The following ARMC8 variants were observed in gnomAD, a reference collection of about 807,000 sequenced individuals.
ARMC8 encodes the protein armadillo repeat containing 8.
Under a neutral mutation model 99.3 loss-of-function variants are expected in ARMC8, and 20 were observed. The ratio of observed to expected loss-of-function variants is 0.20; its 90% CI spans 0.14 to 0.29. ARMC8 has a LOEUF of 0.29. Among genes scored for constraint, ARMC8 ranks in the 10% least tolerant of loss-of-function variants. ARMC8 has a pLI of 1.00. For missense variants in ARMC8, 569 were observed against 809.5 expected (o/e 0.70, Z 3.60); for synonymous variants, 263 against 278.3 (o/e 0.95, Z 0.55).
intron 1 of ARMC8, chr3:138,188,560 G>A: frequency 6.2e-7 from 1 of 1,613,926 alleles, no homozygotes; most frequent in Non-Finnish European, 8.5e-7. Context: ...ATTTGCTATT[G>A]TTGGAAACAA....
chr3:138,190,676 G>A (rs2043333357), intron 1 of ARMC8, among the ~76,000 whole-genome samples: 1 of 152,148 alleles, frequency 6.6e-6, no homozygotes, highest in African/African-American at 2.4e-5. Context: ...CCAAACTCCA[G>A]TAAATCTTAT....
intron 10 of ARMC8, among the ~76,000 whole-genome samples, chr3:138,240,419 C>T (rs2046554699): frequency 6.6e-6 from 1 of 152,186 alleles, no homozygotes; most frequent in South Asian, 2.1e-4. Context: ...TAGAGTGCCA[C>T]GGACTTCCAT....
At chr3:138,273,175 T>A in intron 17 of ARMC8, 59 bp downstream of exon 17, 1 of 1,500,286 alleles carries the variant, frequency 6.7e-7, no homozygotes, top group Non-Finnish European at 9.1e-7. Context: ...TTGCAAGACA[T>A]TGCTCTCTCT....
chr3:138,281,660 A>G (rs1334602483), intron 18 of ARMC8, among the ~76,000 whole-genome samples: 2 of 152,172 alleles, frequency 1.3e-5, no homozygotes, highest in African/African-American at 2.4e-5. Context: ...ATGAGCTTCA[A>G]AACAGAACTG....
intron 1 of ARMC8, among the ~76,000 whole-genome samples, chr3:138,195,708 T>G (rs2043691583): frequency 2.0e-5 from 3 of 152,084 alleles, no homozygotes; most frequent in Admixed American, 6.5e-5. Context: ...AAAACAAAGC[T>G]CCTATTATCC....
In ARMC8 at chr3:138,262,551, C is replaced by T. The variant is rs76579989; in HGVS notation, c.1135-1188C>T. 6,996 of 1,611,360 alleles carry T rather than the reference C, an allele frequency of 4.3e-3. 278 individuals carry two copies. The African/African-American group carries it at 0.082, about 19-fold the overall frequency. On this transcript the variant is annotated intron_variant, in intron 12 of 21. Coordinates refer to ENST00000469044, the MANE Select transcript of ARMC8 (RefSeq NM_001363941.2). ...TGAATCCTCTCATTTTAGTCTAGGT[C>T]AGTGATCTTCAACCTTGGCTGTGTA...
intron 19 of ARMC8, among the ~76,000 whole-genome samples, chr3:138,286,908 T>C (rs575837431): frequency 4.6e-5 from 7 of 152,224 alleles, no homozygotes; most frequent in South Asian, 2.1e-4. Flanking sequence ...GATAGCATCT[T>C]GGAATCTATC....
At position 138,270,028 on chromosome 3, in the gene ARMC8, G is replaced by C. The variant is rs775445088; in HGVS notation, c.1387-12G>C. On this transcript the variant is annotated splice_polypyrimidine_tract_variant and intron_variant, in intron 15 of 21. Transcript: ENST00000469044. ...TAAAGCTGTGATTTTTTTTTTCCCTGTCCAATGGCAGCCAATTTTGGAATC... is the reference window on the plus strand; with the variant it reads ...TAAAGCTGTGATTTTTTTTTTCCCTCTCCAATGGCAGCCAATTTTGGAATC... 7.6e-6 allele frequency: 12 copies of C among 1,582,892 alleles called. No homozygotes were observed. The Admixed American group carries it at 1.2e-4, about 16-fold the overall frequency.
At chr3:138,281,336 A>G (rs2049904518) in intron 18 of ARMC8, among the ~76,000 whole-genome samples, 2 of 150,060 alleles carry the variant, frequency 1.3e-5, no homozygotes. Context: ...CTCTGTTGCC[A>G]GGCTGGAGTG....
chr3:138,291,691 C>T (rs1271860055), intron 21 of ARMC8, among the ~76,000 whole-genome samples: 1 of 152,160 alleles, frequency 6.6e-6, no homozygotes, highest in Non-Finnish European at 1.5e-5. Flanking sequence ...AAAGATCTCT[C>T]TGAGGATGAC....
At chr3:138,196,063 C>T (rs772654919) in intron 1 of ARMC8, among the ~76,000 whole-genome samples, 1 of 152,100 alleles carries the variant, frequency 6.6e-6, no homozygotes, top group Admixed American at 6.5e-5. Context: ...GTCTTTACCA[C>T]CTGGAAAGTA....
intron 3 of ARMC8, among the ~76,000 whole-genome samples, chr3:138,222,990 C>G (rs1327770106): frequency 6.6e-6 from 1 of 152,120 alleles, no homozygotes; most frequent in African/African-American, 2.4e-5. Flanking sequence ...ACAAACTGCA[C>G]CACTGCTCTG....
chr3:138,259,012 C>G (rs181572954), intron 12 of ARMC8, among the ~76,000 whole-genome samples: 10 of 152,302 alleles, frequency 6.6e-5, no homozygotes, highest in Admixed American at 1.3e-4. Flanking sequence ...GAGTCTCCAA[C>G]AAGAACCATG....
chr3:138,260,031 A>G (rs1450169277), intron 12 of ARMC8, among the ~76,000 whole-genome samples: 1 of 152,206 alleles, frequency 6.6e-6, no homozygotes, highest in Non-Finnish European at 1.5e-5. Context: ...CTTATTCAAT[A>G]CTGTGAGTTT....
intron 18 of ARMC8, among the ~76,000 whole-genome samples, chr3:138,281,105 G>C (rs867050846): frequency 6.6e-6 from 1 of 152,100 alleles, no homozygotes; most frequent in African/African-American, 2.4e-5. Flanking sequence ...TACCAAAAGA[G>C]ACAGCAGACT....
chr3:138,188,390 T>A (rs2043195352), intron 1 of ARMC8: 2 of 1,493,368 alleles, frequency 1.3e-6, no homozygotes, highest in Admixed American at 2.2e-5. Flanking sequence ...TTTTTTTTTT[T>A]TTAAAAAAAG....
chr3:138,245,225 CAGGCAGGGAGTGACGTCAACCTGAA>C, intron 12 of ARMC8, 42 bp downstream of exon 12: 4 of 1,614,192 alleles, frequency 2.5e-6, no homozygotes, highest in Non-Finnish European at 3.4e-6. Flanking sequence ...TGACAGCCAG[CAGGCAGGGAGTGACGTCAACCTGAA>C]AGTCGTGGTG....
intron 1 of ARMC8, among the ~76,000 whole-genome samples, chr3:138,208,156 T>C (rs970493424): frequency 7.9e-5 from 12 of 151,686 alleles, no homozygotes; most frequent in Non-Finnish European, 2.9e-5. Context: ...GATATTTTGG[T>C]AGCAAATTCA....
intron 2 of ARMC8, among the ~76,000 whole-genome samples, chr3:138,217,350 AAT>A (rs956350862): frequency 1.3e-5 from 2 of 151,696 alleles, no homozygotes. Context: ...TTTAGAAATA[AAT>A]ATATTCATAC....
Sources: allele counts gnomAD v4.1 joint callset (sites outside exome capture counted in the v4.1 genomes callset), GRCh38; gene constraint gnomAD v4.1.1; transcripts MANE v1.5; gene names NCBI Gene and HGNC (gene_info 2026-07-23, HGNC 2026-07-21).